Variants in NEK3 observed in about 807,000 individuals in gnomAD.
NEK3 encodes the protein serine/threonine-protein kinase Nek3.
A neutral mutation model predicts 66.0 loss-of-function variants in NEK3; 54 were observed. That is an observed-to-expected ratio of 0.82 (90% CI 0.66 to 1.03). The LOEUF is 1.03. Among genes scored for constraint, NEK3 ranks in the 50% least tolerant of loss-of-function variants. NEK3 has a pLI of 0.00. For missense variants in NEK3, 593 were observed against 603.0 expected (o/e 0.98, Z 0.17); for synonymous variants, 200 against 206.2 (o/e 0.97, Z 0.26).
At chr13:52,137,777 T>C (rs1179328615) in intron 11 of NEK3, among the ~76,000 whole-genome samples, 1 of 152,206 alleles carries the variant, frequency 6.6e-6, no homozygotes, top group East Asian at 1.9e-4. Flanking sequence ...GCCTCCCACA[T>C]TCCTCTGGGC....
chr13:52,134,451 T>A (rs1956185428), intron 14 of NEK3, among the ~76,000 whole-genome samples: 1 of 152,310 alleles, frequency 6.6e-6, no homozygotes, highest in East Asian at 1.9e-4. Flanking sequence ...TAATTTCTTT[T>A]TTCCTTTGAA....
intron 1 of NEK3, chr13:52,157,081 G>C (rs1956401774): frequency 6.6e-6 from 1 of 152,228 alleles, no homozygotes; most frequent in East Asian, 1.9e-4. Context: ...GCATATTTAA[G>C]AGCTAAAGAA....
At chr13:52,133,624 C>CAA in intron 15 of NEK3, 65 bp downstream of exon 15, 1 of 1,442,704 alleles carries the variant, frequency 6.9e-7, no homozygotes, top group African/African-American at 2.0e-5. Context: ...ATCACACACA[C>CAA]ACACACACAC....
intron 2 of NEK3, 36 bp downstream of exon 2, chr13:52,156,039 A>G: frequency 1.5e-6 from 2 of 1,358,886 alleles, no homozygotes; most frequent in Admixed American, 2.0e-5. Flanking sequence ...AACTGCATGT[A>G]TACTTTCAAA....
rs116583398 is a variant in NEK3 at position 52,154,884 on chromosome 13, G to A, written c.118-711C>T. Among the ~76,000 whole-genome samples, 840 of 150,148 alleles carry A rather than the reference G, an allele frequency of 5.6e-3. 8 individuals carry two copies. Among genetic ancestry groups the A allele is most frequent in the African/African-American group, 0.019 (797 of 40,940 alleles). On this transcript the variant is annotated intron_variant, in intron 2 of 15. Transcript: ENST00000610828. ...GAGGTGGGAAGATCGCTTGAGCCCAGGAGTTTGAGCTGCAGTGAGCTACGA... is the reference window on the plus strand; with the variant it reads ...GAGGTGGGAAGATCGCTTGAGCCCAAGAGTTTGAGCTGCAGTGAGCTACGA...
chr13:52,133,570 T>C (rs1176142144), intron 15 of NEK3, 119 bp downstream of exon 15: 18 of 1,306,288 alleles, frequency 1.4e-5, no homozygotes, highest in Non-Finnish European at 1.7e-5. Context: ...AAAAGTAATA[T>C]AAGAGGTCCC....
chr13:52,154,166 G>C lies in NEK3; in HGVS notation c.125C>G (p.Ser42Cys). The C allele has an allele frequency of 6.3e-7, 1 of 1,596,000 alleles. No individual in the cohort carries two copies. The highest frequency in any genetic ancestry group is 8.6e-7 in the Non-Finnish European group (1 of 1,168,434). ...MKEIRLPKSFSNTQNSRKEAV... is the reference protein window; with the variant it reads ...MKEIRLPKSFCNTQNSRKEAV... Reference sequence around the variant, plus strand: ...CTCCTTCCTAGAATTCTGTGTATTAGAGAAAGACTAGAAAAACATTTTAAA... The same window carrying C: ...CTCCTTCCTAGAATTCTGTGTATTACAGAAAGACTAGAAAAACATTTTAAA... The change falls in exon 3 of 16, where the codon TCT (serine) becomes TGT (cysteine). Residue 42 changes from serine to cysteine, a missense_variant. Ser to Cys is a moderately radical substitution (Grantham distance 112). Transcript: ENST00000610828.
At chr13:52,148,387 C>G (rs1204376422) in intron 8 of NEK3, 28 bp downstream of exon 8, 4 of 1,608,994 alleles carry the variant, frequency 2.5e-6, no homozygotes, top group Non-Finnish European at 3.4e-6. Context: ...TGACAAGCTG[C>G]CTTTTCCATT....
At chr13:52,146,228 A>G (rs953379068) in intron 8 of NEK3, among the ~76,000 whole-genome samples, 1 of 152,206 alleles carries the variant, frequency 6.6e-6, no homozygotes, top group African/African-American at 2.4e-5. Flanking sequence ...TGTAAATCTA[A>G]AACTGTTTTA....
At chr13:52,143,802 G>A in intron 10 of NEK3, 113 bp downstream of exon 10, 3 of 637,968 alleles carry the variant, frequency 4.7e-6, no homozygotes, top group South Asian at 3.6e-5. Context: ...AGGTTCATTT[G>A]AGGAGTATCT....
chr13:52,137,713 G>A (rs1956216835), intron 11 of NEK3, among the ~76,000 whole-genome samples: 1 of 152,138 alleles, frequency 6.6e-6, no homozygotes, highest in South Asian at 2.1e-4. Flanking sequence ...AGCCCCCCAG[G>A]GGATTCCAGT....
intron 8 of NEK3, among the ~76,000 whole-genome samples, chr13:52,145,489 T>C (rs1956287671): frequency 6.6e-6 from 1 of 152,064 alleles, no homozygotes; most frequent in South Asian, 2.1e-4. Context: ...TTTTTTTTTC[T>C]TTTTTTAGAC....
chr13:52,144,722 G>C lies in NEK3; in HGVS notation c.773C>G (p.Ala258Gly). ...GGGTAAGCACTTCTGGACAAGCCGA[G>C]CTACGATGCCTCGAGAGAGAAGCGT... ...ATTLLSRGIVARLVQKCLPPE... is the reference protein window; with the variant it reads ...ATTLLSRGIVGRLVQKCLPPE... Residue 258 changes from alanine to glycine, a missense_variant, in exon 9 of 16, where the codon GCT (alanine) becomes GGT (glycine). Physicochemically the swap from Ala to Gly is moderately conservative, Grantham distance 60. Transcript: ENST00000610828. The C allele has an allele frequency of 1.2e-6, 2 of 1,613,898 alleles. No individual in the cohort carries two copies. The highest frequency in any genetic ancestry group is 1.7e-6 in the Non-Finnish European group (2 of 1,179,882).
chr13:52,150,852 T>TG (rs1177965770), intron 7 of NEK3, among the ~76,000 whole-genome samples: 1 of 152,224 alleles, frequency 6.6e-6, no homozygotes, highest in African/African-American at 2.4e-5. Context: ...AGCAACAGTT[T>TG]GGGAACCACT....
chr13:52,148,477 C>G lies in NEK3; in HGVS notation c.549-8G>C. The G allele has an allele frequency of 6.2e-7, 1 of 1,612,690 alleles. No individual in the cohort carries two copies. Among genetic ancestry groups the G allele is most frequent in the South Asian group, 1.1e-5 (1 of 90,916 alleles). ...CCCAAGGACCAGATGTCACTGAAAG[C>G]ATAAAGAAGCAATGTAATCACAAGC... On this transcript the variant is annotated splice_region_variant and splice_polypyrimidine_tract_variant and intron_variant, in intron 7 of 15. Coordinates refer to ENST00000610828, the MANE Select transcript of NEK3 (RefSeq NM_002498.3).
At chr13:52,154,205 A>G in intron 2 of NEK3, 32 bp from the exon 3 acceptor site, 1 of 1,311,532 alleles carries the variant, frequency 7.6e-7, no homozygotes, top group South Asian at 1.3e-5. Flanking sequence ...GCATAAACTT[A>G]ATACTGCATT....
chr13:52,140,969 C>T, intron 11 of NEK3, 51 bp downstream of exon 11: 1 of 1,455,116 alleles, frequency 6.9e-7, no homozygotes, highest in Non-Finnish European at 9.4e-7. Flanking sequence ...CTTGCACCAC[C>T]ACGCCCGGCC....
chr13:52,148,534 T>A, intron 7 of NEK3, 65 bp from the exon 8 acceptor site: 1 of 1,397,692 alleles, frequency 7.2e-7, no homozygotes, highest in Non-Finnish European at 1.0e-6. Flanking sequence ...AAAAAATAAT[T>A]TCTTACCTTT....
chr13:52,142,773 TCTC>T (rs1372139837), intron 10 of NEK3, among the ~76,000 whole-genome samples: 1 of 152,224 alleles, frequency 6.6e-6, no homozygotes, highest in Non-Finnish European at 1.5e-5. Flanking sequence ...CAGTGAATGA[TCTC>T]CTACACTTCT....
Sources: gnomAD v4.1 joint callset for allele counts (sites outside exome capture counted in the v4.1 genomes callset) on GRCh38, gnomAD v4.1.1 for gene constraint, MANE v1.5 for transcripts, NCBI Gene and HGNC (gene_info 2026-07-23, HGNC 2026-07-21) for gene names.